The following EFNA5 variants were observed in gnomAD, a reference collection of about 807,000 sequenced individuals.
EFNA5 encodes the protein ephrin A5.
Under a neutral mutation model 22.9 loss-of-function variants are expected in EFNA5, and 5 were observed. The ratio of observed to expected loss-of-function variants is 0.22; its 90% CI spans 0.11 to 0.46. EFNA5 has a LOEUF of 0.46. EFNA5 is among the 20% of genes least tolerant of loss of function. The probability of loss-of-function intolerance (pLI) is 0.99; values close to 1 mark genes in which losing one functional copy is unlikely to be tolerated. For synonymous variants in EFNA5, 113 were observed against 112.2 expected, an observed-to-expected ratio of 1.01 and a Z score of -0.04; for missense variants, 237 against 293.3, an observed-to-expected ratio of 0.81 and a Z score of 1.40.
intron 1 of EFNA5, among the ~76,000 whole-genome samples, chr5:107,660,187 C>A (rs968052876): frequency 6.8e-6 from 1 of 146,200 alleles, no homozygotes; most frequent in Non-Finnish European, 1.5e-5. Context: ...TAATAACAGG[C>A]ATTTAATTAT....
intron 1 of EFNA5, among the ~76,000 whole-genome samples, chr5:107,617,161 T>C (rs549256867): frequency 1.3e-5 from 2 of 150,980 alleles, no homozygotes; most frequent in African/African-American, 4.9e-5. Flanking sequence ...TTACCATAAA[T>C]TTAAACCCAT....
rs540554178 is a variant in EFNA5 at position 107,465,373 on chromosome 5, G to A, written c.126-37864C>T. 1.9e-4 allele frequency among the ~76,000 whole-genome samples: 29 copies of A among 152,260 alleles called. No homozygotes were observed. In the East Asian group the frequency reaches 4.8e-3, roughly 25 times the overall value. On this transcript the variant is annotated intron_variant, in intron 1 of 4. Coordinates refer to ENST00000333274, the MANE Select transcript of EFNA5 (RefSeq NM_001962.3). ...TAGATCTTGTTCTGTCACAACTTAT[G>A]TAGAACATTAGAAGAGTTAATATGG...
intron 1 of EFNA5, among the ~76,000 whole-genome samples, chr5:107,517,776 A>T (rs1238275607): frequency 6.6e-6 from 1 of 152,230 alleles, no homozygotes; most frequent in Non-Finnish European, 1.5e-5. Context: ...TTTCAAAAAT[A>T]AGGTTGTACA....
At position 107,381,206 on chromosome 5, in the gene EFNA5, G is replaced by A. The variant is rs145911686; in HGVS notation, c.*49C>T. ...ATGAGCAGTTAGGTGGATCTCTGGTGTTCCAAGACCCTGATGTTTTCTGTG... is the reference window on the plus strand; with the variant it reads ...ATGAGCAGTTAGGTGGATCTCTGGTATTCCAAGACCCTGATGTTTTCTGTG... On this transcript the variant is annotated 3_prime_UTR_variant, in exon 5 of 5. Transcript: ENST00000333274. 1.1e-4 allele frequency: 170 copies of A among 1,572,828 alleles called. No individual in the cohort carries two copies. In the African/African-American group the frequency reaches 2.0e-3, roughly 18 times the overall value.
chr5:107,557,847 A>G (rs1403655099), intron 1 of EFNA5, among the ~76,000 whole-genome samples: 4 of 152,212 alleles, frequency 2.6e-5, no homozygotes, highest in Non-Finnish European at 1.5e-5. Flanking sequence ...AATGATGTAA[A>G]TAATGAAGCA....
chr5:107,483,506 A>T (rs1276978961), intron 1 of EFNA5, among the ~76,000 whole-genome samples: 1 of 152,172 alleles, frequency 6.6e-6, no homozygotes, highest in Non-Finnish European at 1.5e-5. Flanking sequence ...CAAAGAATAG[A>T]GCCTGGATAA....
At chr5:107,524,926 C>T (rs1161963379) in intron 1 of EFNA5, among the ~76,000 whole-genome samples, 2 of 152,116 alleles carry the variant, frequency 1.3e-5, no homozygotes, top group African/African-American at 4.8e-5. Flanking sequence ...ATGCAAGCTC[C>T]CAGTTTTAAT....
intron 2 of EFNA5, among the ~76,000 whole-genome samples, chr5:107,401,671 T>C (rs1384614956): frequency 5.9e-5 from 9 of 152,082 alleles, no homozygotes. Flanking sequence ...AGATGAGAAA[T>C]CAGTAAATTC....
chr5:107,382,431 G>A (rs1210373648), intron 4 of EFNA5, among the ~76,000 whole-genome samples: 2 of 151,932 alleles, frequency 1.3e-5, no homozygotes, highest in Non-Finnish European at 2.9e-5. Context: ...GGAGTACAGT[G>A]GCCCAATCAT....
chr5:107,400,804 T>C (rs181869), intron 2 of EFNA5, among the ~76,000 whole-genome samples: 152,100 of 152,342 alleles, frequency 1, 75,932 homozygotes, highest in Middle Eastern at 1. Flanking sequence ...TTTCACTCTC[T>C]GTGAATATTA....
chr5:107,500,898 C>T (rs1747118593), intron 1 of EFNA5, among the ~76,000 whole-genome samples: 1 of 151,236 alleles, frequency 6.6e-6, no homozygotes. Flanking sequence ...AAAAGGTTTC[C>T]TGTGAACATT....
At chr5:107,396,313 C>CA (rs959264494) in intron 2 of EFNA5, among the ~76,000 whole-genome samples, 11 of 152,170 alleles carry the variant, frequency 7.2e-5, no homozygotes, top group African/African-American at 2.7e-4. Context: ...GCCTACGCCT[C>CA]AGTTTTCTCA....
At chr5:107,405,026 T>C (rs1423861614) in intron 2 of EFNA5, among the ~76,000 whole-genome samples, 3 of 152,232 alleles carry the variant, frequency 2.0e-5, no homozygotes, top group East Asian at 1.9e-4. Context: ...AGTAGGACTT[T>C]ATGATGTGCT....
At chr5:107,387,451 G>T in intron 3 of EFNA5, 136 bp from the exon 4 acceptor site, 1 of 634,596 alleles carries the variant, frequency 1.6e-6, no homozygotes, top group Non-Finnish European at 2.7e-6. Flanking sequence ...TGTTCCAAAT[G>T]CCAATATTGT....
chr5:107,541,362 T>C (rs1173579777), intron 1 of EFNA5, among the ~76,000 whole-genome samples: 1 of 152,234 alleles, frequency 6.6e-6, no homozygotes, highest in African/African-American at 2.4e-5. Flanking sequence ...ATTTTACTTT[T>C]AACTCATTAG....
At chr5:107,383,055 G>C (rs1747513482) in intron 4 of EFNA5, among the ~76,000 whole-genome samples, 1 of 152,156 alleles carries the variant, frequency 6.6e-6, no homozygotes, top group South Asian at 2.1e-4. Context: ...GCTGACCCCT[G>C]CTTCAGATAT....
chr5:107,544,499 G>A (rs1031792664), intron 1 of EFNA5, among the ~76,000 whole-genome samples: 76 of 152,190 alleles, frequency 5.0e-4, no homozygotes, highest in African/African-American at 1.7e-3. Flanking sequence ...GAGAGGTTGT[G>A]TTCTGTGAAT....
intron 1 of EFNA5, among the ~76,000 whole-genome samples, chr5:107,489,662 C>CA: frequency 6.7e-6 from 1 of 149,202 alleles, no homozygotes; most frequent in East Asian, 2.0e-4. Flanking sequence ...CCCCACCTAC[C>CA]CCCCCCACCA....
At chr5:107,574,623 C>T (rs1045473568) in intron 1 of EFNA5, among the ~76,000 whole-genome samples, 2 of 152,142 alleles carry the variant, frequency 1.3e-5, no homozygotes, top group Admixed American at 6.5e-5. Context: ...CAAATGTCTA[C>T]ACAATTCTGG....
Sources: allele counts gnomAD v4.1 joint callset (sites outside exome capture counted in the v4.1 genomes callset), GRCh38; gene constraint gnomAD v4.1.1; transcripts MANE v1.5; gene names NCBI Gene and HGNC (gene_info 2026-07-23, HGNC 2026-07-21).